Variants in WWOX observed in about 807,000 individuals in gnomAD.
WWOX encodes WW domain-containing oxidoreductase.
WWOX carries 69 observed loss-of-function variants against 46.2 expected under a neutral mutation model. The ratio of observed to expected loss-of-function variants is 1.49; its 90% CI spans 1.23 to 1.82. The LOEUF (loss-of-function observed/expected upper bound fraction) is 1.82, where lower values mean the gene tolerates loss of function less well. WWOX is among the 40% of genes most tolerant of loss of function. The probability of loss-of-function intolerance (pLI) is 0.00; values close to 1 mark genes in which losing one functional copy is unlikely to be tolerated. For missense variants in WWOX, 919 were observed against 542.6 expected, an observed-to-expected ratio of 1.69 and a Z score of -6.89; for synonymous variants, 359 against 202.6, an observed-to-expected ratio of 1.77 and a Z score of -6.56.
chr16:79,199,920 T>A (rs2051314076), intron 8 of WWOX, among the ~76,000 whole-genome samples: 1 of 152,116 alleles, frequency 6.6e-6, no homozygotes. Context: ...AAGAATAAGA[T>A]GTTCCTTGGT....
chr16:79,082,393 G>C (rs868125712), intron 8 of WWOX, among the ~76,000 whole-genome samples: 1 of 152,128 alleles, frequency 6.6e-6, no homozygotes, highest in Non-Finnish European at 1.5e-5. Context: ...GATTTGTTAT[G>C]AGAGTTACAT....
chr16:78,546,245 C>A (rs1447695281), intron 8 of WWOX, among the ~76,000 whole-genome samples: 3 of 152,084 alleles, frequency 2.0e-5, no homozygotes, highest in Admixed American at 1.3e-4. Flanking sequence ...GAAGGCTTCT[C>A]TGAGGAGGTG....
At chr16:78,146,299 C>G (rs1248073489) in intron 4 of WWOX, among the ~76,000 whole-genome samples, 2 of 152,100 alleles carry the variant, frequency 1.3e-5, no homozygotes, top group East Asian at 3.9e-4. Context: ...ACTCAGAGCT[C>G]TTTCTCTCTC....
At chr16:78,219,973 C>T (rs1349917691) in intron 5 of WWOX, among the ~76,000 whole-genome samples, 1 of 152,200 alleles carries the variant, frequency 6.6e-6, no homozygotes, top group Admixed American at 6.5e-5. Flanking sequence ...CTATAATACT[C>T]TTTTAAAGTG....
chr16:78,629,254 G>A (rs1160606918), intron 8 of WWOX, among the ~76,000 whole-genome samples: 1 of 144,878 alleles, frequency 6.9e-6, no homozygotes, highest in African/African-American at 2.5e-5. Context: ...TTTTTCCTCT[G>A]CAAGGGATGG....
intron 8 of WWOX, among the ~76,000 whole-genome samples, chr16:79,133,144 C>G (rs528622131): frequency 0.018 from 2,814 of 152,280 alleles, 96 homozygotes; most frequent in African/African-American, 0.064. Context: ...ATGGTGTGTG[C>G]CCGAGTTTAT....
chr16:78,777,937 C>G (rs1414037610), intron 8 of WWOX, among the ~76,000 whole-genome samples: 3 of 148,880 alleles, frequency 2.0e-5, no homozygotes, highest in African/African-American at 7.4e-5. Context: ...TCCAACTGCT[C>G]AGAATGCTAA....
chr16:78,184,041 C>T (rs1206588707), intron 5 of WWOX, among the ~76,000 whole-genome samples: 2 of 152,140 alleles, frequency 1.3e-5, no homozygotes, highest in Non-Finnish European at 2.9e-5. Context: ...AAAACCTCCC[C>T]CGTTGCTCTC....
chr16:78,712,645 T>C (rs542716244), intron 8 of WWOX, among the ~76,000 whole-genome samples: 22 of 152,152 alleles, frequency 1.4e-4, no homozygotes, highest in Non-Finnish European at 2.6e-4. Flanking sequence ...AATTTGAATA[T>C]GGAGTAGCTA....
At chr16:78,640,919 A>G (rs1875194595) in intron 8 of WWOX, among the ~76,000 whole-genome samples, 1 of 145,408 alleles carries the variant, frequency 6.9e-6, no homozygotes, top group Non-Finnish European at 1.5e-5. Context: ...AGTCTGGGTG[A>G]CAGCGCGAGA....
chr16:78,933,931 C>T (rs1350236942), intron 8 of WWOX, among the ~76,000 whole-genome samples: 1 of 152,046 alleles, frequency 6.6e-6, no homozygotes, highest in African/African-American at 2.4e-5. Flanking sequence ...GTGGCTCGCA[C>T]CTGTAATCCC....
chr16:78,406,198 T>A (rs1230443379), intron 6 of WWOX, among the ~76,000 whole-genome samples: 1 of 150,550 alleles, frequency 6.6e-6, no homozygotes, highest in Non-Finnish European at 1.5e-5. Flanking sequence ...TATTATTTAA[T>A]GTTTATTGCT....
At chr16:78,151,227 G>A (rs7194147) in intron 4 of WWOX, among the ~76,000 whole-genome samples, 96,009 of 151,714 alleles carry the variant, frequency 0.63, 30,465 homozygotes, top group East Asian at 0.75. Context: ...TGAAGACCCA[G>A]TATGTATTTC....
At chr16:78,696,492 G>A (rs543000389) in intron 8 of WWOX, among the ~76,000 whole-genome samples, 337 of 152,008 alleles carry the variant, frequency 2.2e-3, no homozygotes, top group Non-Finnish European at 2.2e-3. Flanking sequence ...TTTCACCTGG[G>A]CTAGTAATAC....
At chr16:78,167,849 C>G (rs551914419) in intron 5 of WWOX, 47 of 152,320 alleles carry the variant, frequency 3.1e-4, no homozygotes, top group African/African-American at 1.1e-3. Flanking sequence ...ATTTGCTGGT[C>G]TACTTCCCTT....
At position 78,609,745 on chromosome 16, in the gene WWOX, A is replaced by G. The variant is rs1417941721; in HGVS notation, c.1056+176993A>G. On this transcript the variant is annotated intron_variant, in intron 8 of 8. Coordinates refer to ENST00000566780, the MANE Select transcript of WWOX (RefSeq NM_016373.4). ...AAATATAGTTTCGTTTGGAAAACAA[A>G]GGGGTGAGGTGGGTCCAAAGTACAG... Among the ~76,000 whole-genome samples the G allele has an allele frequency of 7.9e-5, 12 of 152,194 alleles. No homozygotes were observed. The South Asian group carries it at 2.1e-3, about 26-fold the overall frequency.
At chr16:78,872,957 C>G (rs893991179) in intron 8 of WWOX, 1 of 152,248 alleles carries the variant, frequency 6.6e-6, no homozygotes, top group Non-Finnish European at 1.5e-5. Flanking sequence ...TTCACCATGC[C>G]TGGCTAATCT....
intron 8 of WWOX, among the ~76,000 whole-genome samples, chr16:78,484,545 A>G (rs994707546): frequency 1.3e-5 from 2 of 152,228 alleles, no homozygotes; most frequent in African/African-American, 2.4e-5. Context: ...CAATTGACTT[A>G]TAGTCTAATA....
Position 78,799,907 on chromosome 16 carries a change from A to G in WWOX, c.1056+367155A>G, listed in dbSNP as rs141930605. ...TAGAAAAATTTCTATGTGAATGACT[A>G]CTTTTCCCTGAAATACGTCCTCCAT... On this transcript the variant is annotated intron_variant, in intron 8 of 8. Transcript: ENST00000566780. Among the ~76,000 whole-genome samples, 547 of 152,260 alleles carry G rather than the reference A, an allele frequency of 3.6e-3. 1 individual carries two copies. Among genetic ancestry groups the G allele is most frequent in the Middle Eastern group, 0.024 (7 of 294 alleles).
Sources: gnomAD v4.1 joint callset for allele counts (sites outside exome capture counted in the v4.1 genomes callset) on GRCh38, gnomAD v4.1.1 for gene constraint, MANE v1.5 for transcripts, NCBI Gene and HGNC (gene_info 2026-07-23, HGNC 2026-07-21) for gene names.